The following GRM8 variants were observed in gnomAD, a reference collection of about 807,000 sequenced individuals.
GRM8 encodes metabotropic glutamate receptor 8.
A neutral mutation model predicts 87.2 loss-of-function variants in GRM8; 47 were observed. The ratio of observed to expected loss-of-function variants is 0.54; its 90% CI spans 0.43 to 0.69. The LOEUF is 0.69. Ranked by LOEUF, GRM8 falls within the 30% of genes least tolerant of loss-of-function variation. The probability of loss-of-function intolerance (pLI) is 0.00; values close to 1 mark genes in which losing one functional copy is unlikely to be tolerated. For missense variants in GRM8, 1,019 were observed against 1,139.2 expected (o/e 0.89, Z 1.52); for synonymous variants, 396 against 404.5 (o/e 0.98, Z 0.25).
At chr7:126,750,629 T>G (rs570258249) in intron 7 of GRM8, among the ~76,000 whole-genome samples, 18 of 152,262 alleles carry the variant, frequency 1.2e-4, no homozygotes, top group African/African-American at 3.8e-4. Context: ...ACTTCATATT[T>G]GTTTTAGCCA....
intron 6 of GRM8, among the ~76,000 whole-genome samples, chr7:126,778,609 C>T (rs922872371): frequency 1.3e-5 from 2 of 152,086 alleles, no homozygotes; most frequent in African/African-American, 2.4e-5. Flanking sequence ...TTAGATCATA[C>T]ACATGAGAGA....
chr7:126,624,140 T>A (rs577338011), intron 7 of GRM8, among the ~76,000 whole-genome samples: 7 of 152,234 alleles, frequency 4.6e-5, no homozygotes, highest in Non-Finnish European at 1.0e-4. Flanking sequence ...ACAGTCAGAA[T>A]GTCAATGAAA....
intron 3 of GRM8, among the ~76,000 whole-genome samples, chr7:126,947,363 T>C (rs928092886): frequency 1.2e-4 from 19 of 152,146 alleles, no homozygotes; most frequent in Non-Finnish European, 1.8e-4. Context: ...TATCAGTCAA[T>C]ATTATTCAAC....
At chr7:126,879,604 G>T (rs1799846700) in intron 6 of GRM8, among the ~76,000 whole-genome samples, 2 of 151,176 alleles carry the variant, frequency 1.3e-5, no homozygotes, top group African/African-American at 4.9e-5. Context: ...CCTTCTCAAG[G>T]CAAAGCCGTA....
intron 7 of GRM8, among the ~76,000 whole-genome samples, chr7:126,693,970 T>C (rs1360602809): frequency 6.6e-6 from 1 of 151,088 alleles, no homozygotes; most frequent in African/African-American, 2.4e-5. Flanking sequence ...TAAATTGCTA[T>C]TTTAAGATTT....
chr7:126,631,577 G>A (rs143006443), intron 7 of GRM8, among the ~76,000 whole-genome samples: 13 of 151,728 alleles, frequency 8.6e-5, no homozygotes, highest in African/African-American at 3.2e-4. Context: ...GCATAGGCAA[G>A]ACAATCGTAA....
chr7:127,200,251 C>G (rs906431270), intron 2 of GRM8, among the ~76,000 whole-genome samples: 1 of 152,286 alleles, frequency 6.6e-6, no homozygotes, highest in East Asian at 1.9e-4. Context: ...TTTCCCCCAG[C>G]TCTGAGTTCA....
intron 2 of GRM8, among the ~76,000 whole-genome samples, chr7:127,140,411 C>T (rs571968486): frequency 3.3e-5 from 5 of 152,266 alleles, no homozygotes; most frequent in East Asian, 1.9e-4. Context: ...TCAATTGTCC[C>T]CTATCAATGG....
rs536196181 is a variant in GRM8 at position 126,895,565 on chromosome 7, A to G, written c.1156+6977T>C. ...TGCTTCCCATATTGCTTTAAAATAG[A>G]TATTTTTCTTTAAGAGAATGAATAA... On this transcript the variant is annotated intron_variant, in intron 6 of 10. Coordinates refer to ENST00000339582, the MANE Select transcript of GRM8 (RefSeq NM_000845.3). 2.0e-5 allele frequency among the ~76,000 whole-genome samples: 3 copies of G among 152,230 alleles called. No individual in the cohort carries two copies. In the East Asian group the frequency reaches 5.8e-4, roughly 29 times the overall value.
chr7:126,674,447 T>C (rs1029480351), intron 7 of GRM8, among the ~76,000 whole-genome samples: 7 of 152,198 alleles, frequency 4.6e-5, no homozygotes, highest in Admixed American at 6.5e-5. Context: ...AGCATCTTAA[T>C]AGCACTGGTT....
chr7:127,244,311 A>G (rs1046838880), intron 1 of GRM8, among the ~76,000 whole-genome samples: 1 of 152,232 alleles, frequency 6.6e-6, no homozygotes, highest in Non-Finnish European at 1.5e-5. Context: ...TTGTCAATCA[A>G]TTGAAGAGCT....
At chr7:126,604,635 AGGCT>A (rs3038826) in intron 8 of GRM8, among the ~76,000 whole-genome samples, 48,596 of 151,828 alleles carry the variant, frequency 0.32, 8,372 homozygotes, top group East Asian at 0.43. Context: ...CACATGCCCA[AGGCT>A]GGCTATACAG....
At chr7:126,674,684 A>G (rs1806748204) in intron 7 of GRM8, among the ~76,000 whole-genome samples, 1 of 152,196 alleles carries the variant, frequency 6.6e-6, no homozygotes, top group African/African-American at 2.4e-5. Flanking sequence ...CCCCCAGAAA[A>G]AAAAAGAAAA....
chr7:126,733,709 C>T (rs1368738217), intron 7 of GRM8, among the ~76,000 whole-genome samples: 2 of 151,820 alleles, frequency 1.3e-5, no homozygotes, highest in Non-Finnish European at 2.9e-5. Context: ...AGGCATTTGA[C>T]AAAATTTATA....
intron 2 of GRM8, among the ~76,000 whole-genome samples, chr7:127,136,997 A>T (rs1004143807): frequency 6.6e-6 from 1 of 152,128 alleles, no homozygotes; most frequent in African/African-American, 2.4e-5. Flanking sequence ...TGTATATAAG[A>T]ATTAAATCAC....
At chr7:126,700,438 A>G (rs1297310304) in intron 7 of GRM8, among the ~76,000 whole-genome samples, 1 of 152,144 alleles carries the variant, frequency 6.6e-6, no homozygotes, top group African/African-American at 2.4e-5. Flanking sequence ...ATCTTTTTTA[A>G]TCTCACTTTA....
chr7:126,513,482 G>T (rs1285172325), intron 9 of GRM8, among the ~76,000 whole-genome samples: 1 of 152,126 alleles, frequency 6.6e-6, no homozygotes, highest in Admixed American at 6.6e-5. Flanking sequence ...TTCTTAGGAA[G>T]TTCAGTGGGC....
At chr7:126,847,369 C>T (rs766495433) in intron 6 of GRM8, among the ~76,000 whole-genome samples, 7 of 152,140 alleles carry the variant, frequency 4.6e-5, no homozygotes, top group Non-Finnish European at 7.3e-5. Flanking sequence ...GACAAGTGTT[C>T]TAGATATCTA....
intron 2 of GRM8, among the ~76,000 whole-genome samples, chr7:127,147,589 T>C (rs926217399): frequency 2.0e-5 from 3 of 152,026 alleles, no homozygotes; most frequent in African/African-American, 4.8e-5. Flanking sequence ...ACAAGTATAC[T>C]AACTTAGTAT....
Sources: allele counts gnomAD v4.1 joint callset (sites outside exome capture counted in the v4.1 genomes callset), GRCh38; gene constraint gnomAD v4.1.1; transcripts MANE v1.5; gene names NCBI Gene and HGNC (gene_info 2026-07-23, HGNC 2026-07-21).